Variants in PSTPIP2 observed in about 807,000 individuals in gnomAD.
PSTPIP2 encodes proline-serine-threonine phosphatase interacting protein 2, also known as proline-serine-threonine phosphatase-interacting protein 2.
A neutral mutation model predicts 63.3 loss-of-function variants in PSTPIP2; 33 were observed. The ratio of observed to expected loss-of-function variants is 0.52; its 90% CI spans 0.40 to 0.70. PSTPIP2 has a LOEUF of 0.70. Among genes scored for constraint, PSTPIP2 ranks in the 30% least tolerant of loss-of-function variants. PSTPIP2 has a pLI of 0.00. For missense variants in PSTPIP2, 312 were observed against 400.7 expected (o/e 0.78, Z 1.89); for synonymous variants, 125 against 132.7 (o/e 0.94, Z 0.40).
At chr18:46,068,576 G>T (rs1909277150) in intron 1 of PSTPIP2, among the ~76,000 whole-genome samples, 1 of 151,918 alleles carries the variant, frequency 6.6e-6, no homozygotes, top group East Asian at 2.0e-4. Context: ...GGGATTACAG[G>T]TGTGAGCCAC....
chr18:46,040,100 G>T (rs971612702), intron 1 of PSTPIP2, 53 bp from the exon 2 acceptor site: 1 of 1,403,536 alleles, frequency 7.1e-7, no homozygotes, highest in South Asian at 1.3e-5. Flanking sequence ...AGCCCCCAAG[G>T]CCGGAGAGAA....
At position 45,995,018 on chromosome 18, in the gene PSTPIP2, C is replaced by A. The variant is rs111506110; in HGVS notation, c.643-1315G>T. On this transcript the variant is annotated intron_variant, in intron 9 of 14. Transcript: ENST00000409746. ...TCACCTTCCTCCTTCCCCAGATAGC[C>A]ATTATCCTGAATTGTATCATTCCTA... is the stretch of plus-strand genomic sequence containing the variant. Among the ~76,000 whole-genome samples the A allele has an allele frequency of 9.0e-4, 137 of 152,272 alleles. 1 individual carries two copies. In the Middle Eastern group the frequency reaches 0.014, roughly 15 times the overall value.
intron 13 of PSTPIP2, 102 bp downstream of exon 13, chr18:45,990,620 G>A (rs1212483303): frequency 1.0e-5 from 10 of 985,866 alleles, no homozygotes; most frequent in Non-Finnish European, 1.5e-5. Context: ...AGTGGAGACA[G>A]GGTTTCACCA....
chr18:46,020,926 G>A (rs1334389234), intron 3 of PSTPIP2, among the ~76,000 whole-genome samples: 2 of 152,182 alleles, frequency 1.3e-5, no homozygotes, highest in African/African-American at 2.4e-5. Flanking sequence ...ATATCATTTC[G>A]GGTCAGATTC....
chr18:46,038,848 A>T (rs1217832972), intron 2 of PSTPIP2, among the ~76,000 whole-genome samples: 2 of 152,136 alleles, frequency 1.3e-5, no homozygotes, highest in African/African-American at 4.8e-5. Flanking sequence ...CATAATTTAC[A>T]TGTAGAGGCA....
intron 1 of PSTPIP2, among the ~76,000 whole-genome samples, chr18:46,048,725 G>T (rs1908474463): frequency 6.6e-6 from 1 of 152,204 alleles, no homozygotes; most frequent in Non-Finnish European, 1.5e-5. Flanking sequence ...GGTTAAAACA[G>T]ACAGAAGAGA....
chr18:46,066,031 A>G (rs916656568), intron 1 of PSTPIP2, among the ~76,000 whole-genome samples: 4 of 152,066 alleles, frequency 2.6e-5, no homozygotes, highest in African/African-American at 9.7e-5. Flanking sequence ...TAATAACCTT[A>G]ATTTTATGTT....
chr18:46,036,958 A>G (rs1366103538), intron 2 of PSTPIP2, among the ~76,000 whole-genome samples: 2 of 152,226 alleles, frequency 1.3e-5, no homozygotes, highest in Non-Finnish European at 2.9e-5. Context: ...TAAAAGTGGT[A>G]TAAATGTATG....
intron 5 of PSTPIP2, among the ~76,000 whole-genome samples, chr18:46,008,040 G>C (rs1025194367): frequency 2.6e-5 from 4 of 152,136 alleles, no homozygotes; most frequent in African/African-American, 7.2e-5. Flanking sequence ...TGAGCCAAAG[G>C]TGCCCTTTCA....
intron 1 of PSTPIP2, among the ~76,000 whole-genome samples, chr18:46,043,246 A>T (rs919813030): frequency 2.0e-5 from 3 of 147,328 alleles, no homozygotes; most frequent in Non-Finnish European, 4.5e-5. Flanking sequence ...AAAAAAAAAA[A>T]GCCAAGTATG....
At chr18:46,001,656 C>T (rs1365133679) in intron 6 of PSTPIP2, among the ~76,000 whole-genome samples, 4 of 152,104 alleles carry the variant, frequency 2.6e-5, no homozygotes, top group Admixed American at 6.5e-5. Context: ...ATTCTATGCC[C>T]GTTAAACAAT....
chr18:46,047,652 T>C (rs1908433316), intron 1 of PSTPIP2, among the ~76,000 whole-genome samples: 1 of 152,032 alleles, frequency 6.6e-6, no homozygotes, highest in South Asian at 2.1e-4. Flanking sequence ...GTCACGCCTT[T>C]GCACTCCAGC....
At chr18:46,018,150 T>G (rs1255558090) in intron 3 of PSTPIP2, among the ~76,000 whole-genome samples, 1 of 152,220 alleles carries the variant, frequency 6.6e-6, no homozygotes, top group Non-Finnish European at 1.5e-5. Flanking sequence ...CATACTTGTT[T>G]TTTAGATCTG....
intron 8 of PSTPIP2, 59 bp from the exon 9 acceptor site, chr18:45,997,887 C>A (rs899275399): frequency 4.8e-6 from 7 of 1,470,614 alleles, no homozygotes; most frequent in Non-Finnish European, 4.7e-6. Flanking sequence ...CTCGCAGATA[C>A]ACCCACAGGC....
chr18:46,015,374 C>G (rs1882220194), intron 4 of PSTPIP2, among the ~76,000 whole-genome samples: 2 of 152,192 alleles, frequency 1.3e-5, no homozygotes, highest in Admixed American at 1.3e-4. Context: ...GAAAACCAGA[C>G]TGAGCATAAG....
intron 14 of PSTPIP2, among the ~76,000 whole-genome samples, chr18:45,987,568 C>T (rs58941766): frequency 0.24 from 36,523 of 151,960 alleles, 6,274 homozygotes; most frequent in African/African-American, 0.47. Context: ...TTAGTCAAAG[C>T]AGTAACACAT....
intron 1 of PSTPIP2, among the ~76,000 whole-genome samples, chr18:46,053,102 G>A (rs1045957087): frequency 2.0e-5 from 3 of 152,028 alleles, no homozygotes; most frequent in African/African-American, 7.2e-5. Flanking sequence ...AGTGTCCATT[G>A]TTTATTCCAA....
chr18:46,009,779 G>A (rs1213929096), intron 5 of PSTPIP2, among the ~76,000 whole-genome samples: 1 of 152,186 alleles, frequency 6.6e-6, no homozygotes. Context: ...CTAGACTCTG[G>A]TTGTCTAAGG....
intron 6 of PSTPIP2, among the ~76,000 whole-genome samples, chr18:46,003,168 G>C (rs1175693897): frequency 2.6e-5 from 4 of 152,200 alleles, no homozygotes; most frequent in African/African-American, 7.2e-5. Context: ...CTGGAAAGTG[G>C]TTAAAGTTCT....
Sources: allele counts gnomAD v4.1 joint callset (sites outside exome capture counted in the v4.1 genomes callset), GRCh38; gene constraint gnomAD v4.1.1; transcripts MANE v1.5; gene names NCBI Gene and HGNC (gene_info 2026-07-23, HGNC 2026-07-21).